PRELID2: variants seen among roughly 807,000 people sequenced by gnomAD.
PRELID2 encodes PRELI domain containing 2.
In PRELID2, 25 loss-of-function variants were observed where a neutral mutation model predicts 28.4. That is an observed-to-expected ratio of 0.88 (90% confidence interval 0.64 to 1.23). The LOEUF (loss-of-function observed/expected upper bound fraction) is 1.23. PRELID2 is among the 50% of genes most tolerant of loss of function. PRELID2 has a pLI of 0.00. For synonymous variants in PRELID2, 76 were observed against 71.6 expected, an observed-to-expected ratio of 1.06 and a Z score of -0.31; for missense variants, 201 against 214.4, an observed-to-expected ratio of 0.94 and a Z score of 0.39.
chr5:145,563,501 C>A (rs370881762), intron 1 of PRELID2, among the ~76,000 whole-genome samples: 2 of 152,170 alleles, frequency 1.3e-5, no homozygotes, highest in African/African-American at 4.8e-5. Flanking sequence ...CCTGCTCAAC[C>A]TTAAACTTTC....
chr5:145,243,816 AT>A, the PRELID2 span, among the ~76,000 whole-genome samples: 1 of 152,114 alleles, frequency 6.6e-6, no homozygotes, highest in Non-Finnish European at 1.5e-5. Context: ...TATTTTATAA[AT>A]GTTCCATTTC....
chr5:145,539,832 T>C (rs188098035), intron 1 of PRELID2, among the ~76,000 whole-genome samples: 12 of 151,932 alleles, frequency 7.9e-5, no homozygotes, highest in African/African-American at 2.9e-4. Context: ...AACTATACTG[T>C]TAAGTGAAAA....
At position 145,692,881 on chromosome 5, in the gene PRELID2, G is replaced by C. The variant is rs1007436143; in HGVS notation, n.70+72050C>G. On this transcript the variant is annotated intron_variant and non_coding_transcript_variant, in intron 1 of 2. Transcript: ENST00000510259. ...CCTGAATTTTCCATCATTATTTATA[G>C]CTCTTCCCACAGTCAAAATGCCTCA... Among the ~76,000 whole-genome samples the C allele has an allele frequency of 2.6e-5, 4 of 152,156 alleles. No homozygotes were observed. In the East Asian group the frequency reaches 7.7e-4, roughly 29 times the overall value.
chr5:145,667,518 C>T (rs1754617860), intron 1 of PRELID2, among the ~76,000 whole-genome samples: 1 of 152,070 alleles, frequency 6.6e-6, no homozygotes, highest in Admixed American at 6.6e-5. Flanking sequence ...AGTTAAATAA[C>T]TTGCCTAGGA....
intron 1 of PRELID2, 158 bp downstream of exon 1, chr5:145,835,019 T>G: frequency 5.8e-5 from 29 of 497,562 alleles, no homozygotes; most frequent in South Asian, 3.5e-4. Flanking sequence ...GTAAAGGGAG[T>G]CTTCGAGGAA....
intron 1 of PRELID2, among the ~76,000 whole-genome samples, chr5:145,646,438 C>A (rs1296149089): frequency 6.6e-6 from 1 of 152,060 alleles, no homozygotes; most frequent in African/African-American, 2.4e-5. Flanking sequence ...TTCGTCTAAC[C>A]TTTTTTCAAG....
the PRELID2 span, among the ~76,000 whole-genome samples, chr5:145,397,832 T>C: frequency 6.6e-6 from 1 of 152,170 alleles, no homozygotes; most frequent in African/African-American, 2.4e-5. Flanking sequence ...CCATGCCCTA[T>C]GGGAGCCAAA....
chr5:145,323,403 A>G, the PRELID2 span, among the ~76,000 whole-genome samples: 1 of 152,192 alleles, frequency 6.6e-6, no homozygotes, highest in Non-Finnish European at 1.5e-5. Context: ...CAGGGAAGAT[A>G]TGTGATCAGA....
intron 1 of PRELID2, among the ~76,000 whole-genome samples, chr5:145,671,183 G>T (rs891763084): frequency 6.6e-6 from 1 of 152,096 alleles, no homozygotes; most frequent in East Asian, 1.9e-4. Context: ...TAAAATGATG[G>T]AATGAATTAA....
the PRELID2 span, among the ~76,000 whole-genome samples, chr5:145,356,506 A>G: frequency 6.7e-6 from 1 of 149,468 alleles, no homozygotes; most frequent in Non-Finnish European, 1.5e-5. Context: ...TTAATTGAAC[A>G]CTTTTTTATT....
intron 1 of PRELID2, among the ~76,000 whole-genome samples, chr5:145,666,269 G>T (rs2149680251): frequency 6.6e-6 from 1 of 152,050 alleles, no homozygotes; most frequent in East Asian, 1.9e-4. Flanking sequence ...TGTCTGTCTT[G>T]GATTATTTGC....
intron 1 of PRELID2, among the ~76,000 whole-genome samples, chr5:145,635,162 G>A (rs1351371227): frequency 1.3e-5 from 2 of 152,156 alleles, no homozygotes; most frequent in African/African-American, 4.8e-5. Flanking sequence ...TCTACCTTCT[G>A]TTTAGCACTT....
intron 4 of PRELID2, among the ~76,000 whole-genome samples, chr5:145,810,554 A>G (rs1753858640): frequency 6.6e-6 from 1 of 152,226 alleles, no homozygotes; most frequent in African/African-American, 2.4e-5. Flanking sequence ...TACTGAGGGA[A>G]TGCAAAACTC....
chr5:145,432,298 AT>A, the PRELID2 span, among the ~76,000 whole-genome samples: 7 of 152,100 alleles, frequency 4.6e-5, no homozygotes, highest in South Asian at 1.2e-3. Flanking sequence ...CCAGTCAATA[AT>A]TTTTTTGTAA....
the PRELID2 span, among the ~76,000 whole-genome samples, chr5:145,413,070 C>G: frequency 6.6e-6 from 1 of 152,058 alleles, no homozygotes; most frequent in Non-Finnish European, 1.5e-5. Flanking sequence ...GGGACATAGC[C>G]AAACCATATC....
chr5:145,339,077 G>A, the PRELID2 span, among the ~76,000 whole-genome samples: 5 of 152,250 alleles, frequency 3.3e-5, no homozygotes, highest in African/African-American at 1.2e-4. Flanking sequence ...ATGTGGATAG[G>A]GTAGAAGAGG....
At chr5:145,254,258 G>A in the PRELID2 span, among the ~76,000 whole-genome samples, 1 of 152,070 alleles carries the variant, frequency 6.6e-6, no homozygotes, top group Non-Finnish European at 1.5e-5. Context: ...AACATATAGA[G>A]ACAGATGCTT....
At chr5:145,740,993 A>C (rs1419301325) in intron 1 of PRELID2, among the ~76,000 whole-genome samples, 1 of 110,670 alleles carries the variant, frequency 9.0e-6, no homozygotes. Context: ...TATAAATAAA[A>C]TATATATTAT....
At chr5:145,487,250 A>G (rs1034188012) in intron 1 of PRELID2, among the ~76,000 whole-genome samples, 1 of 151,886 alleles carries the variant, frequency 6.6e-6, no homozygotes, top group Non-Finnish European at 1.5e-5. Context: ...ATAATAAAAA[A>G]AAAGACTAAG....
Sources: gnomAD v4.1 joint callset for allele counts (sites outside exome capture counted in the v4.1 genomes callset) on GRCh38, gnomAD v4.1.1 for gene constraint, MANE v1.5 for transcripts, NCBI Gene and HGNC (gene_info 2026-07-23, HGNC 2026-07-21) for gene names.